ALK: variants seen among roughly 807,000 people sequenced by gnomAD.
ALK encodes the protein ALK receptor tyrosine kinase.
ALK carries 74 observed loss-of-function variants against 163.1 expected under a neutral mutation model. The observed-to-expected ratio is 0.45, with a 90% CI of 0.38 to 0.55. The LOEUF (loss-of-function observed/expected upper bound fraction) is 0.55, where lower values mean the gene tolerates loss of function less well. ALK is among the 20% of genes least tolerant of loss of function. The probability of loss-of-function intolerance (pLI) is 0.00; values close to 1 mark genes in which losing one functional copy is unlikely to be tolerated. For missense variants in ALK, 2,063 were observed against 2,105.3 expected (o/e 0.98, Z 0.39); for synonymous variants, 960 against 843.2 (o/e 1.14, Z -2.40).
At chr2:29,606,274 A>G (rs893110065) in intron 3 of ALK, among the ~76,000 whole-genome samples, 2 of 152,218 alleles carry the variant, frequency 1.3e-5, no homozygotes, top group East Asian at 1.9e-4. Flanking sequence ...ATAAGCCACA[A>G]TCTGGATGAT....
At chr2:29,794,495 G>T (rs1351448230) in intron 1 of ALK, among the ~76,000 whole-genome samples, 1 of 152,098 alleles carries the variant, frequency 6.6e-6, no homozygotes, top group Non-Finnish European at 1.5e-5. Flanking sequence ...CCTAGCTTTT[G>T]ATCTGTCTCA....
At chr2:29,708,439 C>T (rs553912695) in intron 2 of ALK, among the ~76,000 whole-genome samples, 21 of 152,216 alleles carry the variant, frequency 1.4e-4, no homozygotes, top group African/African-American at 4.8e-4. Flanking sequence ...GTTCTCTAGT[C>T]CAGTGAATAC....
At chr2:29,557,015 T>A (rs1673880641) in intron 3 of ALK, among the ~76,000 whole-genome samples, 1 of 152,208 alleles carries the variant, frequency 6.6e-6, no homozygotes, top group African/African-American at 2.4e-5. Context: ...TTTTCTACAA[T>A]GTTTCTTAAA....
At chr2:29,866,137 A>G (rs1666430338) in intron 1 of ALK, among the ~76,000 whole-genome samples, 1 of 152,212 alleles carries the variant, frequency 6.6e-6, no homozygotes, top group South Asian at 2.1e-4. Flanking sequence ...GGGAGAAAGC[A>G]AGGAAAATCT....
rs138454052 is a variant in ALK, at chr2:29,229,963, C to T, written c.2633-897G>A. Among the ~76,000 whole-genome samples, 5 of 152,290 alleles carry T rather than the reference C, an allele frequency of 3.3e-5. No individual in the cohort carries two copies. The South Asian group carries it at 6.2e-4, about 19-fold the overall frequency. Reference sequence around the variant, plus strand: ...TTACAAAGGAAGCTATCTACAGAGCCGAGGTTGAATGTAGCCACAGGTTGA... The same window carrying T: ...TTACAAAGGAAGCTATCTACAGAGCTGAGGTTGAATGTAGCCACAGGTTGA... On this transcript the variant is annotated intron_variant, in intron 15 of 28. Transcript: ENST00000389048.
At chr2:29,495,037 T>C (rs1191217327) in intron 4 of ALK, among the ~76,000 whole-genome samples, 1 of 152,234 alleles carries the variant, frequency 6.6e-6, no homozygotes, top group Non-Finnish European at 1.5e-5. Context: ...GATGCTAGCA[T>C]GTTCTCTACT....
At chr2:29,361,980 A>G (rs1199872449) in intron 5 of ALK, among the ~76,000 whole-genome samples, 1 of 152,170 alleles carries the variant, frequency 6.6e-6, no homozygotes, top group Non-Finnish European at 1.5e-5. Context: ...CCCTGCCCCA[A>G]GTAATGGGAA....
At chr2:29,711,253 GTTCCCA>G (rs890729163) in intron 2 of ALK, among the ~76,000 whole-genome samples, 2 of 152,152 alleles carry the variant, frequency 1.3e-5, no homozygotes, top group African/African-American at 4.8e-5. Context: ...AGCTTGACCT[GTTCCCA>G]AACACCTTTG....
At chr2:29,368,256 T>A (rs930596533) in intron 5 of ALK, among the ~76,000 whole-genome samples, 1 of 152,302 alleles carries the variant, frequency 6.6e-6, no homozygotes, top group African/African-American at 2.4e-5. Flanking sequence ...ATTGCCTGTG[T>A]GCCAGAACCA....
chr2:29,589,097 G>A (rs183640256), intron 3 of ALK, among the ~76,000 whole-genome samples: 3 of 152,172 alleles, frequency 2.0e-5, no homozygotes, highest in East Asian at 3.9e-4. Context: ...TCTCTGCAGC[G>A]TTCAACCACC....
chr2:29,705,385 C>CCCTGTGAT (rs1440558227), intron 2 of ALK, among the ~76,000 whole-genome samples: 1 of 150,542 alleles, frequency 6.6e-6, no homozygotes, highest in Non-Finnish European at 1.5e-5. Context: ...ACCACCTTGG[C>CCCTGTGAT]CCTGTGATGC....
At chr2:29,798,839 A>G (rs1038276376) in intron 1 of ALK, among the ~76,000 whole-genome samples, 3 of 152,010 alleles carry the variant, frequency 2.0e-5, no homozygotes, top group Non-Finnish European at 4.4e-5. Flanking sequence ...TTCCTGGGGG[A>G]AAAAAAAGAG....
At chr2:29,479,391 G>T (rs1473457072) in intron 4 of ALK, among the ~76,000 whole-genome samples, 6 of 152,148 alleles carry the variant, frequency 3.9e-5, no homozygotes, top group Admixed American at 3.9e-4. Context: ...GAACACACAG[G>T]CCTGAAACTC....
At chr2:29,771,093 A>C (rs1256080899) in intron 1 of ALK, among the ~76,000 whole-genome samples, 3 of 152,150 alleles carry the variant, frequency 2.0e-5, no homozygotes, top group Admixed American at 1.3e-4. Context: ...ATACACAGAA[A>C]AATACACACG....
At chr2:29,339,189 A>G (rs1667715465) in intron 5 of ALK, among the ~76,000 whole-genome samples, 1 of 151,306 alleles carries the variant, frequency 6.6e-6, no homozygotes, top group South Asian at 2.1e-4. Flanking sequence ...GTTGCAGTGA[A>G]CTCAGATCAC....
intron 4 of ALK, among the ~76,000 whole-genome samples, chr2:29,448,185 CAA>C (rs1210470318): frequency 1.3e-5 from 2 of 152,176 alleles, no homozygotes; most frequent in East Asian, 3.8e-4. Flanking sequence ...AAATCTCTAA[CAA>C]AGAGAGAAGT....
Position 29,726,141 on chromosome 2 carries a change from T to C in ALK, c.668-8444A>G, listed in dbSNP as rs562901198. Among the ~76,000 whole-genome samples, 6 of 152,320 alleles carry C rather than the reference T, an allele frequency of 3.9e-5. No individual in the cohort carries two copies. In the South Asian group the frequency reaches 1.2e-3, roughly 32 times the overall value. On this transcript the variant is annotated intron_variant, in intron 1 of 28. Coordinates refer to ENST00000389048, the MANE Select transcript of ALK (RefSeq NM_004304.5). Reference sequence around the variant, plus strand: ...AGCAAATATCACTCTCCAGGTGGCCTGATTCTTAACACACCCGCACTCCCT... The same window carrying C: ...AGCAAATATCACTCTCCAGGTGGCCCGATTCTTAACACACCCGCACTCCCT...
intron 1 of ALK, among the ~76,000 whole-genome samples, chr2:29,723,022 A>G (rs1400310679): frequency 6.6e-6 from 1 of 151,980 alleles, no homozygotes; most frequent in Non-Finnish European, 1.5e-5. Context: ...GCATCTCTCC[A>G]TTATTGCTAT....
At chr2:29,807,684 T>A (rs1421486613) in intron 1 of ALK, among the ~76,000 whole-genome samples, 1 of 152,230 alleles carries the variant, frequency 6.6e-6, no homozygotes, top group Non-Finnish European at 1.5e-5. Flanking sequence ...AATAAGGTGA[T>A]CATTATGGAT....
Sources: allele counts gnomAD v4.1 joint callset (sites outside exome capture counted in the v4.1 genomes callset), GRCh38; gene constraint gnomAD v4.1.1; transcripts MANE v1.5; gene names NCBI Gene and HGNC (gene_info 2026-07-23, HGNC 2026-07-21).